SORCS2: variants seen among roughly 807,000 people sequenced by gnomAD.
The protein encoded by SORCS2 is sortilin related VPS10 domain containing receptor 2, also known as VPS10 domain-containing receptor SorCS2.
A neutral mutation model predicts 141.6 loss-of-function variants in SORCS2; 100 were observed. The observed-to-expected ratio is 0.71, with a 90% CI of 0.60 to 0.83. The LOEUF is 0.83. Ranked by LOEUF, SORCS2 falls within the 40% of genes least tolerant of loss-of-function variation. The pLI, the probability that SORCS2 is intolerant of heterozygous loss-of-function variation, is 0.00. For missense variants in SORCS2, 1,646 were observed against 1,560.2 expected (o/e 1.05, Z -0.93); for synonymous variants, 789 against 676.9 (o/e 1.17, Z -2.57).
chr4:7,543,950 A>G (rs1713018255), intron 3 of SORCS2, among the ~76,000 whole-genome samples: 1 of 136,424 alleles, frequency 7.3e-6, no homozygotes, highest in Non-Finnish European at 1.6e-5. Flanking sequence ...CCATCCATCC[A>G]TCCATCCATC....
At chr4:7,243,720 C>G (rs1284564154) in intron 1 of SORCS2, among the ~76,000 whole-genome samples, 1 of 152,262 alleles carries the variant, frequency 6.6e-6, no homozygotes, top group Non-Finnish European at 1.5e-5. Flanking sequence ...CAAAGGCACA[C>G]TGAGCCCTGC....
rs1397576042 is a variant in SORCS2, at chr4:7,724,900, G to A, written c.2612-254G>A. 6.6e-4 allele frequency among the ~76,000 whole-genome samples: 75 copies of A among 112,904 alleles called. 1 individual carries two copies. Among genetic ancestry groups the A allele is most frequent in the East Asian group, 1.4e-3 (5 of 3,492 alleles). The allele number at this position is 112,904 out of a possible 152,430, so 74.1% of individuals were successfully genotyped here. On this transcript the variant is annotated intron_variant, in intron 19 of 26. Transcript: ENST00000507866. Reference sequence around the variant, plus strand: ...TGATGGTGGTGGTGTTGGTGATGGTGGTGATAGTATTGGTGGGAATGGATG... The same window carrying A: ...TGATGGTGGTGGTGTTGGTGATGGTAGTGATAGTATTGGTGGGAATGGATG...
chr4:7,337,041 AAGAG>A (rs932240124), intron 1 of SORCS2, among the ~76,000 whole-genome samples: 1 of 152,160 alleles, frequency 6.6e-6, no homozygotes, highest in Non-Finnish European at 1.5e-5. Context: ...CGTGGCTGAG[AAGAG>A]AGAGGCTGGC....
At chr4:7,594,487 G>C (rs1717129275) in intron 3 of SORCS2, among the ~76,000 whole-genome samples, 1 of 152,194 alleles carries the variant, frequency 6.6e-6, no homozygotes, top group Admixed American at 6.5e-5. Flanking sequence ...TCCCCTCCTT[G>C]GCACTGTCCT....
At chr4:7,238,068 G>A (rs571576447) in intron 1 of SORCS2, among the ~76,000 whole-genome samples, 7 of 152,212 alleles carry the variant, frequency 4.6e-5, no homozygotes, top group Admixed American at 6.5e-5. Context: ...TGTTCTTTCC[G>A]ATGCGCTGGC....
chr4:7,734,779 C>T (rs771684965), intron 25 of SORCS2, among the ~76,000 whole-genome samples: 3 of 152,190 alleles, frequency 2.0e-5, no homozygotes, highest in African/African-American at 7.2e-5. Flanking sequence ...GACCCAGGCC[C>T]GCCCACATCC....
At chr4:7,513,431 T>C (rs780592796) in intron 2 of SORCS2, among the ~76,000 whole-genome samples, 10 of 152,166 alleles carry the variant, frequency 6.6e-5, no homozygotes, top group Non-Finnish European at 1.2e-4. Flanking sequence ...TGGCAGGGCC[T>C]GGAGTTTAGG....
intron 25 of SORCS2, among the ~76,000 whole-genome samples, chr4:7,734,943 T>C (rs547873105): frequency 6.6e-6 from 1 of 152,152 alleles, no homozygotes; most frequent in Admixed American, 6.5e-5. Context: ...GCAAGAACAG[T>C]GTTTGTCTAT....
At chr4:7,598,423 A>G (rs1396021828) in intron 3 of SORCS2, among the ~76,000 whole-genome samples, 1 of 152,144 alleles carries the variant, frequency 6.6e-6, no homozygotes, top group Non-Finnish European at 1.5e-5. Flanking sequence ...CACAGTGGGG[A>G]CATGTCTTTA....
intron 5 of SORCS2, among the ~76,000 whole-genome samples, chr4:7,658,729 T>C (rs1290334429): frequency 1.3e-5 from 2 of 152,164 alleles, no homozygotes; most frequent in Non-Finnish European, 2.9e-5. Context: ...CTGGGGCCAC[T>C]TGGGTAGACC....
In SORCS2 at chr4:7,717,984, G is replaced by A. The variant is rs375121399; in HGVS notation, c.2253-28G>A. The stretch of plus-strand genomic sequence containing the variant: ...CCATCCCTTGCCACCTGTCTGAAGC[G>A]GACCCTGACCCTCTCTTGTCAATCC... On this transcript the variant is annotated intron_variant, in intron 17 of 26. Coordinates refer to ENST00000507866, the MANE Select transcript of SORCS2 (RefSeq NM_020777.3). 2.4e-4 allele frequency: 376 copies of A among 1,572,014 alleles called. 2 individuals carry two copies. The highest frequency in any genetic ancestry group is 2.3e-3 in the South Asian group (199 of 84,940).
At chr4:7,324,994 C>T (rs945218412) in intron 1 of SORCS2, among the ~76,000 whole-genome samples, 7 of 152,290 alleles carry the variant, frequency 4.6e-5, no homozygotes, top group South Asian at 2.1e-4. Context: ...TCAACCTCTC[C>T]GTGAGATGGG....
chr4:7,448,604 C>CCCTTCCTT (rs10531260), intron 2 of SORCS2, among the ~76,000 whole-genome samples: 48 of 115,666 alleles, frequency 4.1e-4, no homozygotes, highest in African/African-American at 1.4e-3. Context: ...CTTCCTCTAT[C>CCCTTCCTT]CCTTCCTTCC....
At chr4:7,207,706 G>A (rs1020177185) in intron 1 of SORCS2, among the ~76,000 whole-genome samples, 18 of 152,300 alleles carry the variant, frequency 1.2e-4, no homozygotes, top group Non-Finnish European at 2.4e-4. Context: ...CTTTCTCTAG[G>A]GGGATTTTAT....
intron 8 of SORCS2, among the ~76,000 whole-genome samples, chr4:7,668,879 C>T (rs543692206): frequency 4.6e-5 from 7 of 151,994 alleles, no homozygotes; most frequent in East Asian, 1.9e-4. Flanking sequence ...AGTGCACAGC[C>T]GAGAATTAGG....
intron 1 of SORCS2, among the ~76,000 whole-genome samples, chr4:7,245,971 A>G (rs1713052703): frequency 6.6e-6 from 1 of 152,178 alleles, no homozygotes; most frequent in African/African-American, 2.4e-5. Flanking sequence ...TTTGGTACCC[A>G]GCCTTGCCGT....
intron 2 of SORCS2, among the ~76,000 whole-genome samples, chr4:7,471,962 C>A (rs553551593): frequency 1.3e-5 from 2 of 152,338 alleles, no homozygotes; most frequent in Admixed American, 6.5e-5. Context: ...TAGAACCTGG[C>A]CTCCCTCTGG....
intron 1 of SORCS2, among the ~76,000 whole-genome samples, chr4:7,335,926 A>G (rs908036905): frequency 2.0e-5 from 3 of 152,186 alleles, no homozygotes; most frequent in African/African-American, 4.8e-5. Context: ...TGCCAGGGTT[A>G]GGGCACAGAC....
chr4:7,454,607 G>A (rs1385292493), intron 2 of SORCS2, among the ~76,000 whole-genome samples: 1 of 128,922 alleles, frequency 7.8e-6, no homozygotes, highest in Non-Finnish European at 1.6e-5. Context: ...TTGGGGTCAG[G>A]CACTGTGTGT....
Sources: allele counts gnomAD v4.1 joint callset (sites outside exome capture counted in the v4.1 genomes callset), GRCh38; gene constraint gnomAD v4.1.1; transcripts MANE v1.5; gene names NCBI Gene and HGNC (gene_info 2026-07-23, HGNC 2026-07-21).